ARID2: variants seen among roughly 807,000 people sequenced by gnomAD.
ARID2 encodes the protein AT-rich interactive domain-containing protein 2.
Under a neutral mutation model 184.6 loss-of-function variants are expected in ARID2, and 32 were observed. The ratio of observed to expected loss-of-function variants is 0.17; its 90% CI spans 0.13 to 0.23. The LOEUF is 0.23. Among genes scored for constraint, ARID2 ranks in the 10% least tolerant of loss-of-function variants. The pLI, the probability that ARID2 is intolerant of heterozygous loss-of-function variation, is 1.00. For synonymous variants in ARID2, 836 were observed against 772.6 expected, an observed-to-expected ratio of 1.08 and a Z score of -1.36; for missense variants, 1,696 against 2,197.6, an observed-to-expected ratio of 0.77 and a Z score of 4.56.
rs542215365 is a variant in ARID2, at chr12:45,729,860, G to A, written c.24G>A (p.Ala8=). The change falls in exon 1 of 21, where the codon GCG becomes GCA. Residue 8 remains alanine (A), a synonymous_variant. Transcript: ENST00000334344. ...TAATGGCAAACTCGACGGGGAAGGC[G>A]CCTCCGGACGAGCGGAGAAAGGGAC... MANSTGK[A]PPDERRKGLA... 5 of 1,611,346 alleles carry A rather than the reference G, an allele frequency of 3.1e-6. No individual in the cohort carries two copies. In the African/African-American group the frequency reaches 5.3e-5, roughly 17 times the overall value.
chr12:45,792,752 T>G (rs891980484), intron 3 of ARID2, among the ~76,000 whole-genome samples: 4 of 152,292 alleles, frequency 2.6e-5, no homozygotes, highest in Admixed American at 2.6e-4. Flanking sequence ...CAATTGAATG[T>G]TTTTTAAAAT....
At position 45,906,276 on chromosome 12, in the gene ARID2, A is replaced by G. The variant is rs1944529823; in HGVS notation, c.*1198A>G. 1 of 233,024 alleles carries G rather than the reference A, an allele frequency of 4.3e-6. No homozygotes were observed. The allele number at this position is 233,024 out of a possible 1,614,324, so 14.4% of individuals were successfully genotyped here. On this transcript the variant is annotated 3_prime_UTR_variant, in exon 21 of 21. Transcript: ENST00000334344. ...TGGAATTTTATTGTATTATTCTTCC[A>G]TTCTTAATACTGTACCACATTCCTG... is the stretch of plus-strand genomic sequence containing the variant.
At chr12:45,786,623 G>A (rs967264247) in intron 3 of ARID2, among the ~76,000 whole-genome samples, 2 of 152,144 alleles carry the variant, frequency 1.3e-5, no homozygotes, top group Non-Finnish European at 2.9e-5. Flanking sequence ...GTGATCCAGC[G>A]ATCCAACTAC....
intron 16 of ARID2, among the ~76,000 whole-genome samples, chr12:45,863,557 A>G (rs918124163): frequency 1.3e-5 from 2 of 152,106 alleles, no homozygotes; most frequent in African/African-American, 2.4e-5. Flanking sequence ...ATTGCACTCC[A>G]GCCTCGGTTA....
At chr12:45,896,007 A>G (rs1393707548) in intron 20 of ARID2, among the ~76,000 whole-genome samples, 3 of 152,236 alleles carry the variant, frequency 2.0e-5, no homozygotes, top group Non-Finnish European at 4.4e-5. Context: ...TTTAGGTGAG[A>G]TGTCAGTACT....
chr12:45,878,327 T>A (rs963479235), intron 16 of ARID2, among the ~76,000 whole-genome samples: 2 of 152,188 alleles, frequency 1.3e-5, no homozygotes, highest in Non-Finnish European at 2.9e-5. Context: ...GTTCTTTCTC[T>A]TTTTCTTCTC....
chr12:45,825,759 G>A (rs1224812142), intron 6 of ARID2, among the ~76,000 whole-genome samples: 3 of 152,074 alleles, frequency 2.0e-5, no homozygotes, highest in Non-Finnish European at 2.9e-5. Context: ...AGCTACTTGG[G>A]AGGCTGAGGC....
At position 45,906,950 on chromosome 12, in the gene ARID2, C is replaced by T. The variant is rs1038641304; in HGVS notation, c.*1872C>T. On this transcript the variant is annotated 3_prime_UTR_variant, in exon 21 of 21. Coordinates refer to ENST00000334344, the MANE Select transcript of ARID2 (RefSeq NM_152641.4). ...GAGGCAGATTCTTAGAGTGAAAAAG[C>T]CTCAGTTTCCATATTAAAAATGTTT... The T allele has an allele frequency of 4.3e-6, 1 of 231,738 alleles. No individual in the cohort carries two copies. Among genetic ancestry groups the T allele is most frequent in the Non-Finnish European group, 8.5e-6 (1 of 117,292 alleles). The allele number at this position is 231,738 out of a possible 1,614,324, so 14.4% of individuals were successfully genotyped here. A position where few individuals can be genotyped will look rare whatever the true frequency, so the allele number is the denominator to read the frequency against.
chr12:45,891,021 C>T (rs1254227890), intron 16 of ARID2, among the ~76,000 whole-genome samples: 2 of 151,984 alleles, frequency 1.3e-5, no homozygotes, highest in African/African-American at 4.8e-5. Flanking sequence ...AAAAATTAGC[C>T]GCGCATGGTG....
rs760667797 is a variant in ARID2, at chr12:45,905,953, T to TTTTTTTTTTTTTTTTTC, written c.*885_*886insTTTTTTCTTTTTTTTTT. The TTTTTTTTTTTTTTTTTC allele has an allele frequency of 5.9e-6, 1 of 170,160 alleles. No individual in the cohort carries two copies. Among genetic ancestry groups the TTTTTTTTTTTTTTTTTC allele is most frequent in the Non-Finnish European group, 1.1e-5 (1 of 87,212 alleles). The allele number at this position is 170,160 out of a possible 1,614,324, so 10.5% of individuals were successfully genotyped here. A position where few individuals can be genotyped will look rare whatever the true frequency, so the allele number is the denominator to read the frequency against. On this transcript the variant is annotated 3_prime_UTR_variant, in exon 21 of 21. Coordinates refer to ENST00000334344, the MANE Select transcript of ARID2 (RefSeq NM_152641.4). Reference sequence around the variant, plus strand: ...TTTTTCTTTTTTCTTTTTTTTTTTCTTTTTTTTTTTGTATTATACACCTTG... The same window carrying TTTTTTTTTTTTTTTTTC: ...TTTTTCTTTTTTCTTTTTTTTTTTCTTTTTTTTTTTTTTTTTCTTTTTTTTTTGTATTATACACCTTG...
chr12:45,904,733 C>G (rs1460594077), intron 20 of ARID2, among the ~76,000 whole-genome samples: 1 of 147,038 alleles, frequency 6.8e-6, no homozygotes, highest in African/African-American at 2.5e-5. Context: ...GCAGAAAAGG[C>G]AAACAGTAAT....
chr12:45,897,666 T>A (rs1239686864), intron 20 of ARID2, among the ~76,000 whole-genome samples: 3 of 152,132 alleles, frequency 2.0e-5, no homozygotes, highest in African/African-American at 7.2e-5. Flanking sequence ...CCAATATTGA[T>A]GGCTATTACT....
chr12:45,896,353 C>A (rs866244105), intron 20 of ARID2, among the ~76,000 whole-genome samples: 3 of 152,156 alleles, frequency 2.0e-5, no homozygotes, highest in Non-Finnish European at 2.9e-5. Flanking sequence ...CAAAAGAAGG[C>A]TGATGCGGTT....
chr12:45,766,639 G>A (rs1281155323), intron 3 of ARID2, among the ~76,000 whole-genome samples: 4 of 149,938 alleles, frequency 2.7e-5, no homozygotes, highest in African/African-American at 7.3e-5. Flanking sequence ...TCAGCCTCCC[G>A]AGTAGCTGGG....
intron 3 of ARID2, among the ~76,000 whole-genome samples, chr12:45,759,822 A>G (rs1010895221): frequency 6.6e-6 from 1 of 152,202 alleles, no homozygotes; most frequent in African/African-American, 2.4e-5. Flanking sequence ...TCAGCCTAGT[A>G]GCTGGGACTA....
intron 16 of ARID2, among the ~76,000 whole-genome samples, chr12:45,877,175 G>A (rs1944023561): frequency 6.6e-6 from 1 of 152,034 alleles, no homozygotes; most frequent in Admixed American, 6.6e-5. Context: ...TTGCTATACA[G>A]GTACTGGTCC....
At chr12:45,731,826 T>C (rs1288266064) in intron 3 of ARID2, among the ~76,000 whole-genome samples, 1 of 152,048 alleles carries the variant, frequency 6.6e-6, no homozygotes, top group Non-Finnish European at 1.5e-5. Flanking sequence ...GTTGGTGGCT[T>C]AGGTGACCAG....
intron 3 of ARID2, among the ~76,000 whole-genome samples, chr12:45,786,738 C>T (rs904748191): frequency 6.6e-6 from 1 of 152,176 alleles, no homozygotes; most frequent in East Asian, 1.9e-4. Flanking sequence ...GAATTAACAA[C>T]CCAAGTGTCC....
At chr12:45,814,951 CTAAA>C (rs1382559001) in intron 4 of ARID2, among the ~76,000 whole-genome samples, 1 of 152,152 alleles carries the variant, frequency 6.6e-6, no homozygotes, top group African/African-American at 2.4e-5. Flanking sequence ...CACTTTACTA[CTAAA>C]TGTTTAAATA....
Sources: gnomAD v4.1 joint callset for allele counts (sites outside exome capture counted in the v4.1 genomes callset) on GRCh38, gnomAD v4.1.1 for gene constraint, MANE v1.5 for transcripts, NCBI Gene and HGNC (gene_info 2026-07-23, HGNC 2026-07-21) for gene names.